Variants in STAB2 observed in about 807,000 individuals in gnomAD.
STAB2 encodes stabilin-2.
STAB2 carries 288 observed loss-of-function variants against 338.1 expected under a neutral mutation model. The observed-to-expected ratio is 0.85, with a 90% CI of 0.77 to 0.94. STAB2 has a LOEUF of 0.94. Ranked by LOEUF, STAB2 falls within the 40% of genes least tolerant of loss-of-function variation. STAB2 has a pLI of 0.00. For synonymous variants in STAB2, 1,202 were observed against 1,193.3 expected (o/e 1.01, Z -0.15); for missense variants, 3,141 against 3,210.1 (o/e 0.98, Z 0.52).
rs1203991246 is a variant in STAB2, at chr12:103,654,724, C to T, written c.1551+26C>T. On this transcript the variant is annotated intron_variant, in intron 13 of 68. Coordinates refer to ENST00000388887, the MANE Select transcript of STAB2 (RefSeq NM_017564.10). ...GTGAGTATTCAGATAAAAGTCACAT[C>T]AGGCCAGGTCCATCTTCCTTTGTTC... 4.4e-6 allele frequency: 7 copies of T among 1,607,088 alleles called. No homozygotes were observed. In the Admixed American group the frequency reaches 8.5e-5, roughly 19 times the overall value.
intron 34 of STAB2, among the ~76,000 whole-genome samples, chr12:103,699,672 A>G (rs913533346): frequency 6.6e-6 from 1 of 152,226 alleles, no homozygotes; most frequent in African/African-American, 2.4e-5. Context: ...AACCATGTCA[A>G]CTTCCATATT....
chr12:103,667,547 G>A (rs567411407), intron 19 of STAB2, among the ~76,000 whole-genome samples: 6 of 152,064 alleles, frequency 3.9e-5, no homozygotes, highest in Non-Finnish European at 8.8e-5. Context: ...GAAGGAAGAG[G>A]GAAAAGAAAG....
In STAB2 at chr12:103,660,185, G is replaced by A. The variant is rs1281385301; in HGVS notation, c.1735-146G>A. ...GGAATTTGGTGAACGTTAGCTATTT[G>A]GAGGTGGGGTTTCTCTCACCCTGGA... On this transcript the variant is annotated intron_variant, in intron 15 of 68. Coordinates refer to ENST00000388887, the MANE Select transcript of STAB2 (RefSeq NM_017564.10). The A allele has an allele frequency of 8.8e-6, 7 of 798,678 alleles. No homozygotes were observed. In the East Asian group the frequency reaches 1.5e-4, roughly 17 times the overall value. The allele number at this position is 798,678 out of a possible 1,614,324, so 49.5% of individuals were successfully genotyped here.
chr12:103,733,692 A>C (rs1881829084), intron 51 of STAB2, among the ~76,000 whole-genome samples: 2 of 152,304 alleles, frequency 1.3e-5, no homozygotes, highest in South Asian at 4.1e-4. Context: ...AACATATGTG[A>C]TATAGGAATA....
Position 103,727,295 on chromosome 12 carries a change from C to T in STAB2, c.4880C>T (p.Pro1627Leu), listed in dbSNP as rs1458659663. The T allele has an allele frequency of 1.2e-6, 2 of 1,614,250 alleles. No individual in the cohort carries two copies. Among genetic ancestry groups the T allele is most frequent in the Non-Finnish European group, 1.7e-6 (2 of 1,180,034 alleles). The stretch of plus-strand genomic sequence containing the variant: ...CATTTCGTGAAAGATCTGGTCGGCC[C>T]AGGCCCCTTCACTGTTTTTGCACCT... ...QEHFVKDLVG[P>L]GPFTVFAPLS... Residue 1627 changes from proline (P) to leucine (L), a missense_variant, in exon 47 of 69, where the codon CCA becomes CTA. By Grantham distance (98) the Pro-to-Leu change is moderately conservative. Coordinates refer to ENST00000388887, the MANE Select transcript of STAB2 (RefSeq NM_017564.10).
At chr12:103,685,457 CGT>C (rs1220360859) in intron 27 of STAB2, among the ~76,000 whole-genome samples, 171 of 136,386 alleles carry the variant, frequency 1.3e-3, no homozygotes, top group African/African-American at 1.6e-3. Flanking sequence ...TGTGTGTGCG[CGT>C]GCGTGTGTGT....
intron 47 of STAB2, 122 bp from the exon 48 acceptor site, chr12:103,728,727 C>A: frequency 7.9e-7 from 1 of 1,271,314 alleles, no homozygotes; most frequent in Non-Finnish European, 1.1e-6. Flanking sequence ...ACAAAGCTTA[C>A]TTCCCAGAGT....
chr12:103,701,623 A>G (rs1246431852), intron 34 of STAB2, among the ~76,000 whole-genome samples: 2 of 152,204 alleles, frequency 1.3e-5, no homozygotes, highest in African/African-American at 4.8e-5. Context: ...TACAATATCA[A>G]ATGTTCTTCT....
chr12:103,612,325 T>A (rs1957137579), intron 3 of STAB2, among the ~76,000 whole-genome samples: 1 of 152,248 alleles, frequency 6.6e-6, no homozygotes, highest in African/African-American at 2.4e-5. Flanking sequence ...GGTACACCAA[T>A]CAGACGTAGA....
At chr12:103,644,978 A>G (rs911319019) in intron 9 of STAB2, among the ~76,000 whole-genome samples, 8 of 152,254 alleles carry the variant, frequency 5.3e-5, no homozygotes, top group African/African-American at 1.9e-4. Context: ...AAAATAAGAA[A>G]TAAAAAACAG....
intron 13 of STAB2, 191 bp downstream of exon 13, chr12:103,654,889 G>A (rs562979436): frequency 5.0e-5 from 34 of 682,530 alleles, no homozygotes; most frequent in Admixed American, 1.4e-4. Flanking sequence ...AAAGCAAGAC[G>A]TACAGTAACA....
At chr12:103,615,272 GA>G (rs202179520) in intron 3 of STAB2, among the ~76,000 whole-genome samples, 10,512 of 152,194 alleles carry the variant, frequency 0.069, 386 homozygotes, top group Non-Finnish European at 0.081. Context: ...CAGGTGTGAT[GA>G]AAAAAATGAG....
chr12:103,634,971 C>A (rs1420675883), intron 6 of STAB2, among the ~76,000 whole-genome samples: 1 of 152,186 alleles, frequency 6.6e-6, no homozygotes, highest in Admixed American at 6.5e-5. Flanking sequence ...AAAATGTAAT[C>A]CTGAAGGAGC....
intron 6 of STAB2, among the ~76,000 whole-genome samples, chr12:103,632,593 G>A (rs1957480162): frequency 6.6e-6 from 1 of 152,188 alleles, no homozygotes; most frequent in Admixed American, 6.5e-5. Flanking sequence ...GAGGGCTGTG[G>A]GAAGGTAGTC....
At chr12:103,679,581 T>G (rs1251597803) in intron 25 of STAB2, among the ~76,000 whole-genome samples, 1 of 152,048 alleles carries the variant, frequency 6.6e-6, no homozygotes, top group African/African-American at 2.4e-5. Context: ...CCACAGAAGG[T>G]GCTTCTCGGG....
intron 42 of STAB2, 98 bp downstream of exon 42, chr12:103,713,866 CTG>C: frequency 6.5e-7 from 1 of 1,542,706 alleles, no homozygotes; most frequent in South Asian, 1.2e-5. Flanking sequence ...GGACACAAAA[CTG>C]AGGTCAGTAT....
Position 103,708,636 on chromosome 12 carries a change from C to A in STAB2, c.4288+100C>A. 3.7e-6 allele frequency: 4 copies of A among 1,069,138 alleles called. No individual in the cohort carries two copies. In the East Asian group the frequency reaches 7.4e-5, roughly 20 times the overall value. 66.2% of individuals were successfully genotyped at this position (1,069,138 alleles called of 1,614,324 possible). ...ATATAAATGACACCTTTTTTTACTT[C>A]TTCTGGCAATAAACATGATTCTTTC... On this transcript the variant is annotated intron_variant, in intron 39 of 68. Transcript: ENST00000388887.
chr12:103,604,301 T>C (rs924299699), intron 3 of STAB2, among the ~76,000 whole-genome samples: 1 of 152,108 alleles, frequency 6.6e-6, no homozygotes, highest in African/African-American at 2.4e-5. Context: ...TCTGTACTCA[T>C]TGGGGATGTT....
chr12:103,608,661 C>T (rs1957072505), intron 3 of STAB2, among the ~76,000 whole-genome samples: 1 of 152,166 alleles, frequency 6.6e-6, no homozygotes, highest in African/African-American at 2.4e-5. Flanking sequence ...ACGGTAGTTT[C>T]TTTTGCTGTG....
Sources: gnomAD v4.1 joint callset for allele counts (sites outside exome capture counted in the v4.1 genomes callset) on GRCh38, gnomAD v4.1.1 for gene constraint, MANE v1.5 for transcripts, NCBI Gene and HGNC (gene_info 2026-07-23, HGNC 2026-07-21) for gene names.